The following SCAI variants were observed in gnomAD, a reference collection of about 807,000 sequenced individuals.
SCAI encodes protein SCAI.
Under a neutral mutation model 92.2 loss-of-function variants are expected in SCAI, and 24 were observed. The observed-to-expected ratio is 0.26, with a 90% CI of 0.19 to 0.37. SCAI has a LOEUF of 0.37. SCAI is among the 10% of genes least tolerant of loss of function. The probability of loss-of-function intolerance (pLI) is 1.00; values close to 1 mark genes in which losing one functional copy is unlikely to be tolerated. For missense variants in SCAI, 450 were observed against 736.2 expected (o/e 0.61, Z 4.50); for synonymous variants, 261 against 258.6 (o/e 1.01, Z -0.09).
intron 3 of SCAI, among the ~76,000 whole-genome samples, chr9:125,032,107 A>G (rs1415699456): frequency 1.3e-5 from 2 of 150,646 alleles, no homozygotes; most frequent in Non-Finnish European, 2.9e-5. Context: ...TGATCCCTAT[A>G]ACTAAAATGC....
intron 17 of SCAI, among the ~76,000 whole-genome samples, chr9:124,958,413 C>G (rs1349019848): frequency 2.6e-5 from 4 of 152,224 alleles, no homozygotes; most frequent in Non-Finnish European, 5.9e-5. Context: ...TATCCTTATA[C>G]ATATATGCTT....
Position 125,112,469 on chromosome 9 carries a change from G to A in SCAI, c.98+30164C>T, listed in dbSNP as rs116759880. Among the ~76,000 whole-genome samples, 813 of 152,114 alleles carry A rather than the reference G, an allele frequency of 5.3e-3. 9 individuals are homozygous for A. Among genetic ancestry groups the A allele is most frequent in the African/African-American group, 0.018 (764 of 41,490 alleles). ...GGGCAAGTAAACTCTTCTTGTAACC[G>A]GCCAGATAATAAATATTTTAAGCTT... On this transcript the variant is annotated intron_variant, in intron 2 of 17. Transcript: ENST00000336505.
At chr9:125,014,316 A>C (rs1459223211) in intron 9 of SCAI, among the ~76,000 whole-genome samples, 1 of 152,234 alleles carries the variant, frequency 6.6e-6, no homozygotes, top group African/African-American at 2.4e-5. Context: ...TAAGCTGATA[A>C]GCAACTTCAG....
chr9:125,083,013 CA>C (rs1834253054), intron 2 of SCAI, among the ~76,000 whole-genome samples: 1 of 152,122 alleles, frequency 6.6e-6, no homozygotes, highest in Admixed American at 6.5e-5. Context: ...TGGGAAGGGC[CA>C]GGGGCAGAAT....
At position 125,067,011 on chromosome 9, in the gene SCAI, CAAT is replaced by C. The variant is rs1833886103; in HGVS notation, c.99-11007_99-11005del. ...GTAAGTACACTCTATGATATTTGCA[CAAT>C]AAAATTGCCTCATGACACATTTCTC... On this transcript the variant is annotated intron_variant, in intron 2 of 17. Coordinates refer to ENST00000336505, the MANE Select transcript of SCAI (RefSeq NM_001144877.3). 2.0e-5 allele frequency among the ~76,000 whole-genome samples: 3 copies of C among 152,148 alleles called. No individual in the cohort carries two copies. The South Asian group carries it at 6.2e-4, about 32-fold the overall frequency.
intron 2 of SCAI, among the ~76,000 whole-genome samples, chr9:125,114,796 G>T (rs1835005883): frequency 1.5e-5 from 2 of 129,246 alleles, no homozygotes; most frequent in Admixed American, 7.8e-5. Context: ...TTTTTTGAGA[G>T]GGAGTCTTGC....
At chr9:125,060,283 T>C (rs748675676) in intron 2 of SCAI, among the ~76,000 whole-genome samples, 10 of 145,166 alleles carry the variant, frequency 6.9e-5, no homozygotes, top group Admixed American at 2.1e-4. Context: ...AAAAAAGCCA[T>C]GGCAGATAGT....
rs1330349902 is a variant in SCAI at position 124,948,124 on chromosome 9, A to T, written c.*4683T>A. 1 of 152,238 alleles carries T rather than the reference A, an allele frequency of 6.6e-6. No individual in the cohort carries two copies. The highest frequency in any genetic ancestry group is 1.5e-5 in the Non-Finnish European group (1 of 68,044). 9.4% of individuals were successfully genotyped at this position (152,238 alleles called of 1,614,324 possible). A position where few individuals can be genotyped will look rare whatever the true frequency, so the allele number is the denominator to read the frequency against. On this transcript the variant is annotated 3_prime_UTR_variant, in exon 18 of 18. Coordinates refer to ENST00000336505, the MANE Select transcript of SCAI (RefSeq NM_001144877.3). ...AATCCGATTTGTCGCTTTTCCCATT[A>T]TCCTGACTAAATCAGTATAATTACG...
At chr9:125,110,654 G>A (rs1366283987) in intron 2 of SCAI, among the ~76,000 whole-genome samples, 2 of 152,172 alleles carry the variant, frequency 1.3e-5, no homozygotes, top group Non-Finnish European at 2.9e-5. Flanking sequence ...TGTAAGACCT[G>A]CCTGCTTCTC....
intron 2 of SCAI, among the ~76,000 whole-genome samples, chr9:125,137,263 C>A (rs1835559433): frequency 6.6e-6 from 1 of 152,196 alleles, no homozygotes. Context: ...TGATCAGGAT[C>A]TAACCTAAAT....
intron 2 of SCAI, among the ~76,000 whole-genome samples, chr9:125,066,715 A>T (rs1181697307): frequency 3.9e-5 from 6 of 152,028 alleles, no homozygotes; most frequent in Non-Finnish European, 7.4e-5. Context: ...GGCCTCCCAA[A>T]GTGCTGGGAT....
intron 2 of SCAI, among the ~76,000 whole-genome samples, chr9:125,119,023 A>G (rs1308662638): frequency 6.6e-6 from 1 of 152,176 alleles, no homozygotes; most frequent in Non-Finnish European, 1.5e-5. Context: ...CAAAAAGTCC[A>G]GGCTGGGTGT....
At chr9:125,131,745 C>T (rs933829684) in intron 2 of SCAI, among the ~76,000 whole-genome samples, 5 of 152,166 alleles carry the variant, frequency 3.3e-5, no homozygotes, top group African/African-American at 1.2e-4. Flanking sequence ...ATGGCTTTAC[C>T]AAAACCACTG....
rs537138442 is a variant in SCAI at position 124,971,922 on chromosome 9, A to G, written c.1400-78T>C. The stretch of plus-strand genomic sequence containing the variant: ...AGATACATATGAGGAACATTTTAAT[A>G]TACTGATAATATATAAAATTAAAGC... On this transcript the variant is annotated intron_variant, in intron 15 of 17. Coordinates refer to ENST00000336505, the MANE Select transcript of SCAI (RefSeq NM_001144877.3). 5.2e-4 allele frequency: 342 copies of G among 661,520 alleles called. 1 individual carries two copies. The highest frequency in any genetic ancestry group is 3.2e-3 in the South Asian group (80 of 25,162). The allele number at this position is 661,520 out of a possible 1,614,324, so 41.0% of individuals were successfully genotyped here. A position where few individuals can be genotyped will look rare whatever the true frequency, so the allele number is the denominator to read the frequency against.
At chr9:125,054,283 C>T (rs1015801077) in intron 3 of SCAI, among the ~76,000 whole-genome samples, 1 of 152,164 alleles carries the variant, frequency 6.6e-6, no homozygotes, top group Non-Finnish European at 1.5e-5. Context: ...CCTCTTCTAA[C>T]TTTTTACTTA....
chr9:124,959,257 T>C (rs1300499246), intron 17 of SCAI, among the ~76,000 whole-genome samples: 1 of 110,050 alleles, frequency 9.1e-6, no homozygotes, highest in East Asian at 2.5e-4. Flanking sequence ...TAAAGTATAA[T>C]AATAATAAAA....
intron 9 of SCAI, among the ~76,000 whole-genome samples, chr9:125,017,126 A>G (rs1265115162): frequency 6.6e-6 from 1 of 152,176 alleles, no homozygotes; most frequent in Non-Finnish European, 1.5e-5. Context: ...ATGCTTGGTC[A>G]TAGAGTGTGC....
intron 14 of SCAI, among the ~76,000 whole-genome samples, chr9:124,990,257 G>A (rs910144773): frequency 6.6e-6 from 1 of 151,986 alleles, no homozygotes; most frequent in African/African-American, 2.4e-5. Context: ...GGGAGGCCGA[G>A]GTAGGCGGAT....
chr9:125,011,481 GA>G (rs1382344178), intron 9 of SCAI, among the ~76,000 whole-genome samples: 17 of 152,172 alleles, frequency 1.1e-4, no homozygotes, highest in Admixed American at 1.0e-3. Context: ...GAAGTTTAGA[GA>G]AAAAAGAATA....
Sources: gnomAD v4.1 joint callset for allele counts (sites outside exome capture counted in the v4.1 genomes callset) on GRCh38, gnomAD v4.1.1 for gene constraint, MANE v1.5 for transcripts, NCBI Gene and HGNC (gene_info 2026-07-23, HGNC 2026-07-21) for gene names.